The following ZBP1 variants were observed in gnomAD, a reference collection of about 807,000 sequenced individuals.
ZBP1 encodes Z-DNA binding protein 1.
In ZBP1, 42 loss-of-function variants were observed where a neutral mutation model predicts 41.1. That is an observed-to-expected ratio of 1.02 (90% CI 0.80 to 1.32). The LOEUF is 1.32. Ranked by LOEUF, ZBP1 falls within the 40% of genes most tolerant of loss-of-function variation. The pLI is 0.00. For synonymous variants in ZBP1, 214 were observed against 205.2 expected (o/e 1.04, Z -0.37); for missense variants, 562 against 549.7 (o/e 1.02, Z -0.22).
In ZBP1 at chr20:57,604,423, A is replaced by T; in HGVS notation, c.*150T>A. On this transcript the variant is annotated 3_prime_UTR_variant, in exon 8 of 8. Coordinates refer to ENST00000371173, the MANE Select transcript of ZBP1 (RefSeq NM_030776.3). ...CCTGGCCTGAACCCATCCCCATGCCAGGTCCATTCCCCCAAAACTGATTCA... is the reference window on the plus strand; with the variant it reads ...CCTGGCCTGAACCCATCCCCATGCCTGGTCCATTCCCCCAAAACTGATTCA... 1.0e-6 allele frequency: 1 copy of T among 980,740 alleles called. No individual in the cohort carries two copies. The highest frequency in any genetic ancestry group is 1.6e-6 in the Non-Finnish European group (1 of 626,548). 60.8% of individuals were successfully genotyped at this position (980,740 alleles called of 1,614,324 possible).
intron 7 of ZBP1, chr20:57,606,952 A>C: frequency 8.5e-7 from 1 of 1,179,778 alleles, no homozygotes; most frequent in East Asian, 6.2e-5. Flanking sequence ...CTGTTCATCC[A>C]CGGGCTCTGA....
Position 57,610,017 on chromosome 20 carries a change from G to T in ZBP1, c.1093+132C>A. 9.8e-7 allele frequency: 1 copy of T among 1,023,832 alleles called. No homozygotes were observed. The highest frequency in any genetic ancestry group is 1.5e-6 in the Non-Finnish European group (1 of 688,994). 63.4% of individuals were successfully genotyped at this position (1,023,832 alleles called of 1,614,324 possible). A position where few individuals can be genotyped will look rare whatever the true frequency, so the allele number is the denominator to read the frequency against. ...GACTCTAGAGCTGCTGCTCCTCGCT[G>T]TGGGTGGGCACAGCCTCCAGACTCC... On this transcript the variant is annotated intron_variant, in intron 7 of 7. Transcript: ENST00000371173. The surrounding 1 kb of genome is among the most constrained non-coding windows in gnomAD (Gnocchi z 5.5).
In ZBP1 at chr20:57,613,361, G is replaced by C. The variant is rs550420036; in HGVS notation, c.503-31C>G. 1 of 1,602,558 alleles carries C rather than the reference G, an allele frequency of 6.2e-7. No individual in the cohort carries two copies. The highest frequency in any genetic ancestry group is 8.5e-7 in the Non-Finnish European group (1 of 1,176,874). Reference sequence around the variant, plus strand: ...AAATAATATTCAACTGTATCCCTTTGCCACTGTCTATGGGTCAGGGGTTCC... The same window carrying C: ...AAATAATATTCAACTGTATCCCTTTCCCACTGTCTATGGGTCAGGGGTTCC... On this transcript the variant is annotated intron_variant, in intron 4 of 7. Transcript: ENST00000371173. The surrounding 1 kb of genome is among the most constrained non-coding windows in gnomAD (Gnocchi z 4.5).
At chr20:57,618,113 C>G (rs2070891359) in intron 1 of ZBP1, 1 of 152,260 alleles carries the variant, frequency 6.6e-6, no homozygotes, top group Non-Finnish European at 1.5e-5. Flanking sequence ...AAGATCAAAG[C>G]CAGCTGCTCT....
Position 57,619,739 on chromosome 20 carries a change from G to T in ZBP1, c.34+523C>A, listed in dbSNP as rs537430246. 1.1e-3 allele frequency among the ~76,000 whole-genome samples: 170 copies of T among 152,148 alleles called. 2 individuals are homozygous for T. The highest frequency in any genetic ancestry group is 1.5e-4 in the Non-Finnish European group (10 of 67,998). On this transcript the variant is annotated intron_variant, in intron 1 of 7. Coordinates refer to ENST00000371173, the MANE Select transcript of ZBP1 (RefSeq NM_030776.3). ...ATAAAATGGGAATGACATGGCACTT[G>T]TCCCTGCAGGCCATCAGGAAATGCT...
At position 57,613,009 on chromosome 20, in the gene ZBP1, C is replaced by T. The variant is rs1006261535; in HGVS notation, c.670+154G>A. 74 of 1,474,692 alleles carry T rather than the reference C, an allele frequency of 5.0e-5. No individual in the cohort carries two copies. The highest frequency in any genetic ancestry group is 4.4e-4 in the African/African-American group (31 of 71,206). The allele number at this position is 1,474,692 out of a possible 1,614,324, so 91.4% of individuals were successfully genotyped here. On this transcript the variant is annotated intron_variant, in intron 5 of 7. Coordinates refer to ENST00000371173, the MANE Select transcript of ZBP1 (RefSeq NM_030776.3). The surrounding 1 kb of genome is among the most constrained non-coding windows in gnomAD (Gnocchi z 4.5). ...GATCCAGGTGTCCTCATTCTCAGGA[C>T]GGCCGTAAAGGTGGACTGTGGGGGT... is the stretch of plus-strand genomic sequence containing the variant.
chr20:57,610,560 G>A lies in ZBP1; in HGVS notation c.875-193C>T. ...CCGCTCGTGCTGTTGTGCTGTCTGG[G>A]AAGCGTCTTTCTGCTCCACTGATCC... On this transcript the variant is annotated intron_variant, in intron 6 of 7. Transcript: ENST00000371173. The surrounding 1 kb of genome is among the most constrained non-coding windows in gnomAD (Gnocchi z 5.5). 1 of 617,996 alleles carries A rather than the reference G, an allele frequency of 1.6e-6. No homozygotes were observed. The highest frequency in any genetic ancestry group is 2.8e-6 in the Non-Finnish European group (1 of 351,012). 38.3% of individuals were successfully genotyped at this position (617,996 alleles called of 1,614,324 possible). A position where few individuals can be genotyped will look rare whatever the true frequency, so the allele number is the denominator to read the frequency against.
At chr20:57,607,863 G>A (rs560765300) in intron 7 of ZBP1, among the ~76,000 whole-genome samples, 2 of 152,288 alleles carry the variant, frequency 1.3e-5, no homozygotes, top group African/African-American at 2.4e-5. Flanking sequence ...TAGATATAAC[G>A]TGATTCAGTG....
In ZBP1 at chr20:57,604,714, C is replaced by T; in HGVS notation, c.1149G>A (p.Gln383=). 1 of 1,614,160 alleles carries T rather than the reference C, an allele frequency of 6.2e-7. No homozygotes were observed. The highest frequency in any genetic ancestry group is 1.1e-5 in the South Asian group (1 of 91,090). ...GCTTCGAGTGGCTGGGAGTGATGGG[C>T]TGACCAATGTCTCGAGGAAAGTGAC... ...SRSHFPRDIG[Q]PITPSHSKLT... Residue 383 remains glutamine (Q), a synonymous_variant, in exon 8 of 8, where the codon CAG becomes CAA. Coordinates refer to ENST00000371173, the MANE Select transcript of ZBP1 (RefSeq NM_030776.3).
chr20:57,613,008 A>G lies in ZBP1; in HGVS notation c.670+155T>C. 6.8e-7 allele frequency: 1 copy of G among 1,473,822 alleles called. No homozygotes were observed. Among genetic ancestry groups the G allele is most frequent in the South Asian group, 1.4e-5 (1 of 72,042 alleles). The allele number at this position is 1,473,822 out of a possible 1,614,324, so 91.3% of individuals were successfully genotyped here. The stretch of plus-strand genomic sequence containing the variant: ...TGATCCAGGTGTCCTCATTCTCAGG[A>G]CGGCCGTAAAGGTGGACTGTGGGGG... On this transcript the variant is annotated intron_variant, in intron 5 of 7. Transcript: ENST00000371173. This position sits in a 1 kb window ranked among gnomAD's most constrained non-coding sequence, Gnocchi z 4.5.
Position 57,610,647 on chromosome 20 carries a change from G to C in ZBP1, c.875-280C>G, listed in dbSNP as rs1221752518. ...TCTGGACGTCAGTGTCTTCCTCTGG[G>C]ATTCAGCTCCTCTCTCCTCTGCTGC... is the stretch of plus-strand genomic sequence containing the variant. On this transcript the variant is annotated intron_variant, in intron 6 of 7. Coordinates refer to ENST00000371173, the MANE Select transcript of ZBP1 (RefSeq NM_030776.3). This position sits in a 1 kb window ranked among gnomAD's most constrained non-coding sequence, Gnocchi z 5.5. 2 of 519,566 alleles carry C rather than the reference G, an allele frequency of 3.8e-6. No homozygotes were observed. Among genetic ancestry groups the C allele is most frequent in the African/African-American group, 1.9e-5 (1 of 52,256 alleles). 32.2% of individuals were successfully genotyped at this position (519,566 alleles called of 1,614,324 possible). A position where few individuals can be genotyped will look rare whatever the true frequency, so the allele number is the denominator to read the frequency against.
At chr20:57,612,764 G>T in intron 5 of ZBP1, 1 of 366,750 alleles carries the variant, frequency 2.7e-6, no homozygotes, top group East Asian at 1.0e-4. Context: ...GAACAAATAC[G>T]GTACTACAAT....
chr20:57,611,991 A>G, intron 5 of ZBP1, 61 bp from the exon 6 acceptor site: 1 of 1,499,660 alleles, frequency 6.7e-7, no homozygotes, highest in Non-Finnish European at 9.1e-7. Context: ...CCTTTCCCTC[A>G]CCACCACACG....
In ZBP1 at chr20:57,616,409, C is replaced by G. The variant is rs1213646056; in HGVS notation, c.94G>C (p.Ala32Pro). ...GCTTGGCATTCCTTCACCAGCTGGG[C>G]AAGTTTCACCGGGGAGCCAGCCTCT... ...LTEAGSPVKL[A>P]QLVKECQAPK... The change falls in exon 2 of 8, where the codon GCC (alanine) becomes CCC (proline). Residue 32 changes from alanine (A) to proline (P), a missense_variant. Physicochemically the swap from Ala to Pro is conservative, Grantham distance 27 (BLOSUM62 -1). Coordinates refer to ENST00000371173, the MANE Select transcript of ZBP1 (RefSeq NM_030776.3). 4 of 1,614,104 alleles carry G rather than the reference C, an allele frequency of 2.5e-6. No individual in the cohort carries two copies. The South Asian group carries it at 4.4e-5, about 18-fold the overall frequency.
In ZBP1 at chr20:57,615,063, G is replaced by A; in HGVS notation, c.329-3C>T. 18 of 1,614,146 alleles carry A rather than the reference G, an allele frequency of 1.1e-5. No homozygotes were observed. Among genetic ancestry groups the A allele is most frequent in the Admixed American group, 1.7e-5 (1 of 60,028 alleles). ...GAGAAACCTGTAGATGTCTTCCTCT[G>A]GGAGGCAGGATGGCCAGGTGGTTAG... is the stretch of plus-strand genomic sequence containing the variant. On this transcript the variant is annotated splice_polypyrimidine_tract_variant and splice_region_variant and intron_variant, in intron 3 of 7. Coordinates refer to ENST00000371173, the MANE Select transcript of ZBP1 (RefSeq NM_030776.3).
intron 1 of ZBP1, chr20:57,617,339 T>G (rs1338799098): frequency 1.3e-5 from 2 of 152,352 alleles, no homozygotes; most frequent in Non-Finnish European, 2.9e-5. Context: ...CTACTCAACC[T>G]CCAGGCCTCC....
At position 57,604,405 on chromosome 20, in the gene ZBP1, T is replaced by C. The variant is rs1477366999; in HGVS notation, c.*168A>G. ...CTCCTGGCCATCAAAAGACCTGGCC[T>C]GAACCCATCCCCATGCCAGGTCCAT... On this transcript the variant is annotated 3_prime_UTR_variant, in exon 8 of 8. Transcript: ENST00000371173. 1.2e-6 allele frequency: 1 copy of C among 851,658 alleles called. No individual in the cohort carries two copies. The highest frequency in any genetic ancestry group is 1.7e-5 in the African/African-American group (1 of 59,928). The allele number at this position is 851,658 out of a possible 1,614,324, so 52.8% of individuals were successfully genotyped here.
intron 2 of ZBP1, chr20:57,615,969 G>A: frequency 1.8e-6 from 1 of 560,974 alleles, no homozygotes; most frequent in Non-Finnish European, 3.2e-6. Context: ...TCTCCATCAT[G>A]ATGATTTTCT....
intron 7 of ZBP1, among the ~76,000 whole-genome samples, chr20:57,608,984 A>G (rs1334340356): frequency 6.6e-6 from 1 of 152,134 alleles, no homozygotes; most frequent in Non-Finnish European, 1.5e-5. Flanking sequence ...CTTTTTTCAC[A>G]TGGGAGGCAA....
Sources: gnomAD v4.1 joint callset for allele counts (sites outside exome capture counted in the v4.1 genomes callset) on GRCh38, gnomAD v4.1.1 for gene constraint, Gnocchi (gnomAD v3.1) non-coding constraint, MANE v1.5 for transcripts, NCBI Gene and HGNC (gene_info 2026-07-23, HGNC 2026-07-21) for gene names.